Variants in ATRNL1 observed in about 807,000 individuals in gnomAD.
ATRNL1 encodes attractin-like protein 1.
A neutral mutation model predicts 182.7 loss-of-function variants in ATRNL1; 95 were observed. The observed-to-expected ratio is 0.52, with a 90% confidence interval of 0.44 to 0.62. The LOEUF (loss-of-function observed/expected upper bound fraction) is 0.62, where lower values mean the gene tolerates loss of function less well. ATRNL1 is among the 20% of genes least tolerant of loss of function. The pLI, the probability that ATRNL1 is intolerant of heterozygous loss-of-function variation, is 0.00. For synonymous variants in ATRNL1, 576 were observed against 568.3 expected (o/e 1.01, Z -0.19); for missense variants, 1,471 against 1,679.5 (o/e 0.88, Z 2.17).
intron 14 of ATRNL1, among the ~76,000 whole-genome samples, chr10:115,285,527 ATATAT>A (rs1363367117): frequency 3.9e-5 from 6 of 152,104 alleles, no homozygotes; most frequent in African/African-American, 1.2e-4. Flanking sequence ...AGCCTTATTA[ATATAT>A]TATATAAACC....
chr10:115,625,024 G>C (rs563983668), intron 26 of ATRNL1, among the ~76,000 whole-genome samples: 31 of 152,106 alleles, frequency 2.0e-4, no homozygotes, highest in Admixed American at 1.4e-3. Context: ...AAATTCAAGG[G>C]GATACTTTGT....
At position 115,673,229 on chromosome 10, in the gene ATRNL1, A is replaced by C. The variant is rs77626107; in HGVS notation, c.3796-54019A>C. On this transcript the variant is annotated intron_variant, in intron 26 of 28. Transcript: ENST00000355044. ...CAGTAGTTTCAAATCTGAGTGATAT[A>C]ATGGCTCTCCTTTAAGAGAAGTAAA... Among the ~76,000 whole-genome samples the C allele has an allele frequency of 2.8e-3, 432 of 152,238 alleles. 14 individuals carry two copies. The East Asian group carries it at 0.072, about 25-fold the overall frequency.
At chr10:115,175,706 TTTC>T (rs1847476487) in intron 8 of ATRNL1, among the ~76,000 whole-genome samples, 1 of 152,170 alleles carries the variant, frequency 6.6e-6, no homozygotes, top group Non-Finnish European at 1.5e-5. Context: ...TATAAAATTA[TTTC>T]TTAATAGAAA....
chr10:115,253,214 G>C (rs1257366716), intron 10 of ATRNL1, among the ~76,000 whole-genome samples: 2 of 152,220 alleles, frequency 1.3e-5, no homozygotes, highest in African/African-American at 4.8e-5. Flanking sequence ...AAGTTGAGTT[G>C]TGATGCTCGA....
chr10:115,576,512 C>T (rs548320489), intron 26 of ATRNL1, among the ~76,000 whole-genome samples: 13 of 151,954 alleles, frequency 8.6e-5, no homozygotes, highest in African/African-American at 2.4e-4. Context: ...TCCATATATC[C>T]GTTAGCCATT....
rs149430271 is a variant in ATRNL1 at position 115,121,455 on chromosome 10, A to G, written c.378-244A>G. On this transcript the variant is annotated intron_variant, in intron 2 of 28. Coordinates refer to ENST00000355044, the MANE Select transcript of ATRNL1 (RefSeq NM_207303.4). Reference sequence around the variant, plus strand: ...ATTTTTAGAAAACAATGATACATACATATGTCCTGTTAATAGATTTTGAAA... The same window carrying G: ...ATTTTTAGAAAACAATGATACATACGTATGTCCTGTTAATAGATTTTGAAA... 6.1e-3 allele frequency among the ~76,000 whole-genome samples: 932 copies of G among 152,268 alleles called. 13 individuals are homozygous for G. Among genetic ancestry groups the G allele is most frequent in the African/African-American group, 0.021 (891 of 41,556 alleles).
Position 115,215,733 on chromosome 10 carries a change from C to A in ATRNL1, c.1385C>A (p.Ala462Asp), listed in dbSNP as rs782450532. 6 of 1,601,006 alleles carry A rather than the reference C, an allele frequency of 3.7e-6. No homozygotes were observed. Among genetic ancestry groups the A allele is most frequent in the Admixed American group, 3.5e-5 (2 of 57,346 alleles). Residue 462 changes from alanine to aspartate, a missense_variant, in exon 9 of 29, where the codon GCT (alanine) becomes GAT (aspartate). By Grantham distance (126) the Ala-to-Asp change is moderately radical. Transcript: ENST00000355044. Reference protein sequence around the residue: ...NTWLVPETKGAIVQGGYGHTS... With the variant: ...NTWLVPETKGDIVQGGYGHTS... ...TGGCTTGTTCCAGAAACTAAAGGAG[C>A]TATTGTACAAGGTGGATATGGCCAT...
intron 19 of ATRNL1, among the ~76,000 whole-genome samples, chr10:115,376,171 A>G (rs546514330): frequency 4.0e-5 from 6 of 151,716 alleles, no homozygotes; most frequent in Non-Finnish European, 7.4e-5. Flanking sequence ...CTCCTGTTTT[A>G]TAAGGTTGTT....
At chr10:115,290,529 G>T (rs940374161) in intron 15 of ATRNL1, among the ~76,000 whole-genome samples, 1 of 152,090 alleles carries the variant, frequency 6.6e-6, no homozygotes, top group Admixed American at 6.5e-5. Flanking sequence ...GGTGGCGGGC[G>T]CCTGTAATCC....
chr10:115,290,643 T>A (rs1852855752), intron 15 of ATRNL1, among the ~76,000 whole-genome samples: 1 of 151,470 alleles, frequency 6.6e-6, no homozygotes. Context: ...GTGACAAGAG[T>A]GAAACTGCAG....
In ATRNL1 at chr10:115,575,892, T is replaced by A. The variant is rs193222655; in HGVS notation, c.3795+26356T>A. The stretch of plus-strand genomic sequence containing the variant: ...AAGTTTGTACTTTGATGAATATCTC[T>A]CCTTTTGCTCTGCCTCTCTGCCCTT... On this transcript the variant is annotated intron_variant, in intron 26 of 28. Transcript: ENST00000355044. 2.0e-5 allele frequency among the ~76,000 whole-genome samples: 3 copies of A among 152,168 alleles called. No individual in the cohort carries two copies. The East Asian group carries it at 5.8e-4, about 29-fold the overall frequency.
At chr10:115,658,491 T>C (rs1424959249) in intron 26 of ATRNL1, among the ~76,000 whole-genome samples, 2 of 151,984 alleles carry the variant, frequency 1.3e-5, no homozygotes, top group African/African-American at 4.8e-5. Context: ...TAATTATGAG[T>C]CTTGGAGGTT....
At chr10:115,131,216 CTG>C (rs576998028) in intron 5 of ATRNL1, among the ~76,000 whole-genome samples, 4 of 151,568 alleles carry the variant, frequency 2.6e-5, no homozygotes, top group East Asian at 1.9e-4. Flanking sequence ...AACTACTTGT[CTG>C]TGTGTGTGTA....
chr10:115,859,065 C>T (rs1426376837), intron 28 of ATRNL1, among the ~76,000 whole-genome samples: 1 of 151,878 alleles, frequency 6.6e-6, no homozygotes, highest in East Asian at 1.9e-4. Context: ...AGAAAAAGAG[C>T]TCTGATTTCT....
At chr10:115,500,186 A>T (rs942257559) in intron 24 of ATRNL1, among the ~76,000 whole-genome samples, 2 of 152,164 alleles carry the variant, frequency 1.3e-5, no homozygotes, top group Non-Finnish European at 2.9e-5. Flanking sequence ...TATGTATGTA[A>T]ATAGATTGCT....
intron 13 of ATRNL1, among the ~76,000 whole-genome samples, chr10:115,271,878 G>A (rs192844845): frequency 6.4e-4 from 98 of 152,188 alleles, no homozygotes; most frequent in African/African-American, 1.7e-3. Flanking sequence ...TATAATCCCC[G>A]GTCTTGGAGG....
intron 8 of ATRNL1, among the ~76,000 whole-genome samples, chr10:115,211,134 C>A (rs1554894913): frequency 6.6e-6 from 1 of 150,946 alleles, no homozygotes; most frequent in Non-Finnish European, 1.5e-5. Context: ...ATGTGCCATG[C>A]TGGTGCGCTG....
At chr10:115,408,068 A>G (rs1160641109) in intron 20 of ATRNL1, among the ~76,000 whole-genome samples, 1 of 143,708 alleles carries the variant, frequency 7.0e-6, no homozygotes, top group Non-Finnish European at 1.5e-5. Flanking sequence ...CAGTGGCGCA[A>G]TCTCGGCTCA....
intron 27 of ATRNL1, among the ~76,000 whole-genome samples, chr10:115,756,763 G>A (rs1434599026): frequency 6.6e-6 from 1 of 152,080 alleles, no homozygotes; most frequent in Non-Finnish European, 1.5e-5. Flanking sequence ...ACAGTGGGGT[G>A]TTAAAGTCTC....
Sources: allele counts gnomAD v4.1 joint callset (sites outside exome capture counted in the v4.1 genomes callset), GRCh38; gene constraint gnomAD v4.1.1; transcripts MANE v1.5; gene names NCBI Gene and HGNC (gene_info 2026-07-23, HGNC 2026-07-21).